Variants in FBXW7 observed in about 807,000 individuals in gnomAD.
FBXW7 encodes F-box and WD repeat domain containing 7.
Under a neutral mutation model 86.3 loss-of-function variants are expected in FBXW7, and 11 were observed. The ratio of observed to expected loss-of-function variants is 0.13; its 90% CI spans 0.08 to 0.21. The LOEUF is 0.21. FBXW7 is among the 10% of genes least tolerant of loss of function. The probability of loss-of-function intolerance (pLI) is 1.00; values close to 1 mark genes in which losing one functional copy is unlikely to be tolerated. For synonymous variants in FBXW7, 313 were observed against 297.9 expected (o/e 1.05, Z -0.52); for missense variants, 488 against 847.4 (o/e 0.58, Z 5.27).
intron 2 of FBXW7, among the ~76,000 whole-genome samples, chr4:152,437,929 C>G (rs1740531282): frequency 6.6e-6 from 1 of 152,164 alleles, no homozygotes; most frequent in South Asian, 2.1e-4. Flanking sequence ...AATCTCAGCA[C>G]TTTGGGAGGC....
At chr4:152,457,038 T>C (rs1742478166) in intron 2 of FBXW7, among the ~76,000 whole-genome samples, 1 of 152,056 alleles carries the variant, frequency 6.6e-6, no homozygotes, top group Non-Finnish European at 1.5e-5. Context: ...ATTCCCCAGT[T>C]AAAAAAACAA....
intron 2 of FBXW7, among the ~76,000 whole-genome samples, chr4:152,533,000 C>T (rs1250534876): frequency 2.6e-5 from 4 of 151,984 alleles, no homozygotes; most frequent in East Asian, 3.9e-4. Context: ...CAGCCTGACC[C>T]ACATGGTGAA....
At chr4:152,513,640 G>C (rs1030183927) in intron 2 of FBXW7, among the ~76,000 whole-genome samples, 1 of 152,222 alleles carries the variant, frequency 6.6e-6, no homozygotes, top group Admixed American at 6.5e-5. Flanking sequence ...GACTGAGGAA[G>C]TGAGGACAAT....
intron 2 of FBXW7, among the ~76,000 whole-genome samples, chr4:152,455,022 C>T (rs1384925513): frequency 6.6e-6 from 1 of 151,814 alleles, no homozygotes; most frequent in African/African-American, 2.4e-5. Flanking sequence ...TCAGGAAATC[C>T]AGAAATTAAA....
At chr4:152,352,711 C>A (rs1731953166) in intron 4 of FBXW7, 1 of 1,613,798 alleles carries the variant, frequency 6.2e-7, no homozygotes, top group Non-Finnish European at 8.5e-7. Context: ...CAGTATCAAA[C>A]CGCTTCTCGG....
At position 152,325,820 on chromosome 4, in the gene FBXW7, A is replaced by C. The variant is rs111356540; in HGVS notation, c.1644+186T>G. The C allele has an allele frequency of 1.1e-4, 59 of 528,470 alleles. 1 individual carries two copies. Among genetic ancestry groups the C allele is most frequent in the African/African-American group, 1.0e-3 (55 of 53,074 alleles). 32.7% of individuals were successfully genotyped at this position (528,470 alleles called of 1,614,324 possible). ...GGAGAAATAGATCACAGAAAATTGAAAGCATTTAAATAATTTTGAAATTTA... is the reference window on the plus strand; with the variant it reads ...GGAGAAATAGATCACAGAAAATTGACAGCATTTAAATAATTTTGAAATTTA... On this transcript the variant is annotated intron_variant, in intron 12 of 13. Coordinates refer to ENST00000281708, the MANE Select transcript of FBXW7 (RefSeq NM_001349798.2).
chr4:152,336,346 T>A (rs1730105178), intron 7 of FBXW7, among the ~76,000 whole-genome samples: 1 of 152,106 alleles, frequency 6.6e-6, no homozygotes, highest in African/African-American at 2.4e-5. Flanking sequence ...CATATTCTGA[T>A]CTTACACAAC....
intron 7 of FBXW7, among the ~76,000 whole-genome samples, chr4:152,335,089 T>C (rs781601054): frequency 6.6e-6 from 1 of 152,188 alleles, no homozygotes; most frequent in Non-Finnish European, 1.5e-5. Context: ...GGAGGAAGTA[T>C]ACCAGTTCCC....
At chr4:152,514,476 A>G (rs1411528472) in intron 2 of FBXW7, among the ~76,000 whole-genome samples, 2 of 152,202 alleles carry the variant, frequency 1.3e-5, no homozygotes, top group African/African-American at 2.4e-5. Flanking sequence ...AGGGGATGAT[A>G]TAATTTGAAT....
At chr4:152,345,726 A>G (rs1473354356) in intron 6 of FBXW7, among the ~76,000 whole-genome samples, 1 of 152,202 alleles carries the variant, frequency 6.6e-6, no homozygotes, top group African/African-American at 2.4e-5. Context: ...TTAAAAAACC[A>G]TTTAAAAGCA....
chr4:152,514,759 C>T (rs1235308029), intron 2 of FBXW7, among the ~76,000 whole-genome samples: 1 of 152,124 alleles, frequency 6.6e-6, no homozygotes, highest in Non-Finnish European at 1.5e-5. Flanking sequence ...AAGCCCTCAC[C>T]AGAAAGCAGA....
intron 2 of FBXW7, among the ~76,000 whole-genome samples, chr4:152,437,312 T>C (rs1052160877): frequency 1.1e-4 from 16 of 151,976 alleles, no homozygotes; most frequent in African/African-American, 2.7e-4. Context: ...CAGGCGCAAG[T>C]TGCAGTGAGC....
At chr4:152,430,818 T>C (rs914956997) in intron 2 of FBXW7, among the ~76,000 whole-genome samples, 2 of 152,206 alleles carry the variant, frequency 1.3e-5, no homozygotes, top group African/African-American at 4.8e-5. Context: ...CTAAGATGGA[T>C]ATTCTTCTGA....
At chr4:152,401,793 T>C (rs145364332) in intron 4 of FBXW7, among the ~76,000 whole-genome samples, 1 of 152,326 alleles carries the variant, frequency 6.6e-6, no homozygotes, top group African/African-American at 2.4e-5. Flanking sequence ...GGGAACTCTC[T>C]AGGCCTCTCA....
chr4:152,496,755 T>C (rs1164121193), intron 2 of FBXW7, among the ~76,000 whole-genome samples: 1 of 152,232 alleles, frequency 6.6e-6, no homozygotes, highest in African/African-American at 2.4e-5. Flanking sequence ...ATCCCCACTG[T>C]AACCTGTAAA....
At chr4:152,347,871 T>C (rs1200094200) in intron 5 of FBXW7, among the ~76,000 whole-genome samples, 2 of 152,050 alleles carry the variant, frequency 1.3e-5, no homozygotes, top group Non-Finnish European at 2.9e-5. Flanking sequence ...AGAAAGAATA[T>C]ATAACTATAT....
At chr4:152,479,666 G>C (rs1237239087) in intron 2 of FBXW7, among the ~76,000 whole-genome samples, 2 of 152,030 alleles carry the variant, frequency 1.3e-5, no homozygotes, top group Non-Finnish European at 2.9e-5. Flanking sequence ...ATAAACATTA[G>C]GCAAGAATAC....
chr4:152,505,509 T>C (rs1320121578), intron 2 of FBXW7, among the ~76,000 whole-genome samples: 1 of 152,160 alleles, frequency 6.6e-6, no homozygotes, highest in Non-Finnish European at 1.5e-5. Context: ...TAAGCCTTTT[T>C]CCTGTTTTAA....
At chr4:152,452,161 A>G (rs1429960236) in intron 2 of FBXW7, among the ~76,000 whole-genome samples, 1 of 152,214 alleles carries the variant, frequency 6.6e-6, no homozygotes, top group Non-Finnish European at 1.5e-5. Context: ...ATTAGCTGTT[A>G]TTTTTAAATA....
Sources: gnomAD v4.1 joint callset for allele counts (sites outside exome capture counted in the v4.1 genomes callset) on GRCh38, gnomAD v4.1.1 for gene constraint, MANE v1.5 for transcripts, NCBI Gene and HGNC (gene_info 2026-07-23, HGNC 2026-07-21) for gene names.